Variants in CATSPERE observed in about 807,000 individuals in gnomAD.
The protein encoded by CATSPERE is cation channel sperm-associated auxiliary subunit epsilon.
In CATSPERE, 93 loss-of-function variants were observed where a neutral mutation model predicts 114.1. That is an observed-to-expected ratio of 0.81 (90% CI 0.69 to 0.97). The LOEUF (loss-of-function observed/expected upper bound fraction) is 0.97, where lower values mean the gene tolerates loss of function less well. Ranked by LOEUF, CATSPERE falls within the 50% of genes least tolerant of loss-of-function variation. CATSPERE has a pLI of 0.00. For missense variants in CATSPERE, 1,058 were observed against 1,131.6 expected (o/e 0.93, Z 0.93); for synonymous variants, 341 against 384.1 (o/e 0.89, Z 1.31).
At chr1:244,610,590 G>A (rs763236403) in intron 19 of CATSPERE, 12 of 524,346 alleles carry the variant, frequency 2.3e-5, no homozygotes, top group African/African-American at 5.8e-5. Context: ...TTAAACATGT[G>A]AAAGCATCAA....
At chr1:244,578,938 A>G (rs886237291) in intron 11 of CATSPERE, among the ~76,000 whole-genome samples, 3 of 150,552 alleles carry the variant, frequency 2.0e-5, no homozygotes, top group Non-Finnish European at 3.0e-5. Context: ...CTCTCGTTCA[A>G]CATTTTCTTG....
intron 14 of CATSPERE, among the ~76,000 whole-genome samples, chr1:244,588,867 A>G (rs1044514562): frequency 8.5e-5 from 13 of 152,178 alleles, no homozygotes; most frequent in African/African-American, 2.9e-4. Context: ...AATAGGAGGG[A>G]GAAACACTTA....
At chr1:244,621,613 C>T (rs926723343) in intron 20 of CATSPERE, among the ~76,000 whole-genome samples, 2 of 151,730 alleles carry the variant, frequency 1.3e-5, no homozygotes, top group Non-Finnish European at 2.9e-5. Context: ...TCAACAGAAA[C>T]AACAATCCAC....
At chr1:244,636,712 C>G (rs1161910391) in intron 21 of CATSPERE, 1 of 152,792 alleles carries the variant, frequency 6.5e-6, no homozygotes, top group Non-Finnish European at 1.5e-5. Context: ...AGTCCAGCAG[C>G]CAGGGCATAT....
At chr1:244,626,485 C>CAA (rs35687880) in intron 20 of CATSPERE, among the ~76,000 whole-genome samples, 3,400 of 66,722 alleles carry the variant, frequency 0.051, 62 homozygotes, top group South Asian at 0.074. Flanking sequence ...AATTCCATCT[C>CAA]AAAAAAAAAA....
At chr1:244,475,497 G>T (rs1020137708) in intron 2 of CATSPERE, among the ~76,000 whole-genome samples, 1 of 150,468 alleles carries the variant, frequency 6.6e-6, no homozygotes, top group African/African-American at 2.5e-5. Context: ...GCCTCCCAAA[G>T]TGCTGGGATT....
At chr1:244,454,735 A>C (rs904785762) in intron 1 of CATSPERE, 12 of 152,564 alleles carry the variant, frequency 7.9e-5, no homozygotes, top group African/African-American at 2.7e-4. Context: ...GACTAGTCTT[A>C]GGCTGTAGCA....
chr1:244,532,369 G>A (rs1291504904), intron 8 of CATSPERE, among the ~76,000 whole-genome samples: 3 of 151,702 alleles, frequency 2.0e-5, no homozygotes, highest in African/African-American at 7.3e-5. Context: ...GTTTGCTCTT[G>A]CTTTTCTAGT....
chr1:244,593,515 G>A lies in CATSPERE; in HGVS notation c.2240G>A (p.Trp747Ter), dbSNP rs752101473. ...CTTTTCTAGAGAGTAAGGTATATTT[G>A]GGGAGAATATGGCTGCCCTCTGAGG... ...PSKNLRVRYI[W>*]GEYGCPLRLD... The change falls in exon 17 of 22, where the codon TGG (tryptophan) becomes TAG (stop). Residue 747 changes from tryptophan (W) to a stop codon, truncating the protein, a stop_gained. Coordinates refer to ENST00000366534, the MANE Select transcript of CATSPERE (RefSeq NM_001130957.2). LOFTEE classifies it high-confidence loss of function. The A allele has an allele frequency of 6.2e-7, 1 of 1,613,946 alleles. No homozygotes were observed. Among genetic ancestry groups the A allele is most frequent in the South Asian group, 1.1e-5 (1 of 91,062 alleles).
rs565327617 is a variant in CATSPERE at position 244,551,060 on chromosome 1, C to A, written c.537-1262C>A. ...AACCATTTAAATAATAAAAATGAAT[C>A]TATCACCTGACTTTCTCATTAGTGA... On this transcript the variant is annotated intron_variant, in intron 8 of 21. Coordinates refer to ENST00000366534, the MANE Select transcript of CATSPERE (RefSeq NM_001130957.2). Among the ~76,000 whole-genome samples, 5 of 152,336 alleles carry A rather than the reference C, an allele frequency of 3.3e-5. No homozygotes were observed. In the South Asian group the frequency reaches 8.3e-4, roughly 25 times the overall value.
intron 5 of CATSPERE, among the ~76,000 whole-genome samples, chr1:244,486,329 G>T (rs986791163): frequency 7.9e-5 from 12 of 151,428 alleles, no homozygotes; most frequent in Admixed American, 6.6e-4. Context: ...CGTGGGCCAG[G>T]TACAGACCCT....
intron 18 of CATSPERE, among the ~76,000 whole-genome samples, chr1:244,609,257 G>A (rs761065595): frequency 3.3e-5 from 5 of 152,062 alleles, no homozygotes; most frequent in Non-Finnish European, 7.4e-5. Context: ...CTAATGAAAT[G>A]TAGATACAAA....
chr1:244,615,816 A>G (rs1321659020), intron 19 of CATSPERE, among the ~76,000 whole-genome samples: 1 of 151,998 alleles, frequency 6.6e-6, no homozygotes, highest in African/African-American at 2.4e-5. Context: ...GAATAAAACA[A>G]TTTTCAAAAA....
intron 8 of CATSPERE, among the ~76,000 whole-genome samples, chr1:244,552,105 T>C (rs1377985105): frequency 1.5e-5 from 2 of 130,128 alleles, no homozygotes; most frequent in East Asian, 4.7e-4. Flanking sequence ...TACTTGAGAA[T>C]ACAGAGACAG....
intron 17 of CATSPERE, among the ~76,000 whole-genome samples, chr1:244,603,221 A>G (rs1032631917): frequency 6.6e-6 from 1 of 151,972 alleles, no homozygotes; most frequent in Non-Finnish European, 1.5e-5. Context: ...CCTTCCGCAG[A>G]CCCCCTAGAG....
At chr1:244,521,399 T>A (rs1012085407) in intron 8 of CATSPERE, among the ~76,000 whole-genome samples, 1 of 152,104 alleles carries the variant, frequency 6.6e-6, no homozygotes, top group Non-Finnish European at 1.5e-5. Context: ...GAAAAATAAA[T>A]GATATATGAT....
At position 244,568,343 on chromosome 1, in the gene CATSPERE, G is replaced by A. The variant is rs952451369; in HGVS notation, c.1508-3987G>A. 3.3e-5 allele frequency among the ~76,000 whole-genome samples: 5 copies of A among 152,326 alleles called. No individual in the cohort carries two copies. Among genetic ancestry groups the A allele is most frequent in the East Asian group, 1.9e-4 (1 of 5,178 alleles). The stretch of plus-strand genomic sequence containing the variant: ...GGTCAGGGACCCACTTGAGGAAGCC[G>A]TCTGTCCCTTAGCAGAGCTTGAGGG... On this transcript the variant is annotated intron_variant, in intron 10 of 21. Transcript: ENST00000366534. The surrounding 1 kb of genome is among the most constrained non-coding windows in gnomAD (Gnocchi z 4.4).
intron 8 of CATSPERE, among the ~76,000 whole-genome samples, chr1:244,534,992 G>A (rs1004487798): frequency 1.3e-5 from 2 of 151,926 alleles, no homozygotes; most frequent in Non-Finnish European, 2.9e-5. Flanking sequence ...TGCATTAGGG[G>A]GCACCCCAAG....
At chr1:244,472,266 C>T (rs910080777) in intron 2 of CATSPERE, among the ~76,000 whole-genome samples, 3 of 152,182 alleles carry the variant, frequency 2.0e-5, no homozygotes, top group African/African-American at 7.2e-5. Context: ...TGGCCCACGA[C>T]TGTTGTTTGA....
Sources: gnomAD v4.1 joint callset for allele counts (sites outside exome capture counted in the v4.1 genomes callset) on GRCh38, gnomAD v4.1.1 for gene constraint, Gnocchi (gnomAD v3.1) non-coding constraint, MANE v1.5 for transcripts, NCBI Gene and HGNC (gene_info 2026-07-23, HGNC 2026-07-21) for gene names.